The following ATAD3B variants were observed in gnomAD, a reference collection of about 807,000 sequenced individuals.
ATAD3B encodes the protein ATPase family AAA domain-containing protein 3B.
ATAD3B carries 59 observed loss-of-function variants against 70.2 expected under a neutral mutation model. The observed-to-expected ratio is 0.84, with a 90% CI of 0.68 to 1.04. ATAD3B has a LOEUF of 1.04. ATAD3B is among the 50% of genes least tolerant of loss of function. The pLI is 0.00. For missense variants in ATAD3B, 961 were observed against 913.4 expected (o/e 1.05, Z -0.67); for synonymous variants, 423 against 388.6 (o/e 1.09, Z -1.04).
At chr1:1,499,175 G>C (rs183892674), downstream of ATAD3B, among the ~76,000 whole-genome samples, 663 of 150,964 alleles carry the variant, frequency 4.4e-3, 11 homozygotes, top group African/African-American at 0.015. Flanking sequence ...GTTTCACCGT[G>C]TTAGCCAGGA....
chr1:1,489,528 G>A, intron 13 of ATAD3B: 1 of 982,118 alleles, frequency 1.0e-6, no homozygotes, highest in South Asian at 1.7e-5. Context: ...CAGCTTGCAG[G>A]TCCCTCTGCC....
intron 1 of ATAD3B, among the ~76,000 whole-genome samples, chr1:1,473,116 C>T (rs1342033564): frequency 6.8e-6 from 1 of 146,948 alleles, no homozygotes; most frequent in Admixed American, 6.9e-5. Flanking sequence ...AGCCACAGCG[C>T]CCAGACAGAA....
At chr1:1,499,295 T>C (rs1640890426), downstream of ATAD3B, among the ~76,000 whole-genome samples, 1 of 148,896 alleles carries the variant, frequency 6.7e-6, no homozygotes, top group Admixed American at 6.7e-5. Flanking sequence ...TTTTTTTTTT[T>C]TTTTGGTCTC....
chr1:1,485,623 C>T (rs1164973662), intron 8 of ATAD3B, among the ~76,000 whole-genome samples, 159 bp from the exon 9 acceptor site: 2 of 152,042 alleles, frequency 1.3e-5, no homozygotes, highest in Non-Finnish European at 2.9e-5. Flanking sequence ...GCAATAGCCT[C>T]CTGGTCTCCC....
chr1:1,505,162 A>G, the ATAD3B span, among the ~76,000 whole-genome samples: 1 of 152,114 alleles, frequency 6.6e-6, no homozygotes, highest in Non-Finnish European at 1.5e-5. Flanking sequence ...AAGGGGCAGG[A>G]TAAGGAGTGT....
At chr1:1,482,835 C>G in intron 7 of ATAD3B, 1 of 666,034 alleles carries the variant, frequency 1.5e-6, no homozygotes, top group Non-Finnish European at 2.6e-6. Flanking sequence ...GAGACCCCAT[C>G]TCTACGAAGA....
intron 7 of ATAD3B, chr1:1,482,975 TTGGCGAGAGAATAAGACCTTGTCTCAA>T: frequency 4.2e-6 from 2 of 474,042 alleles, no homozygotes; most frequent in South Asian, 3.1e-5. Flanking sequence ...CACTCCATTC[TTGGCGAGAGAATAAGACCTTGTCTCAA>T]GAAAAAAATG....
intron 13 of ATAD3B, 32 bp downstream of exon 13, chr1:1,489,306 GGCAGGGCTGTGCAGCCGTC>G: frequency 6.2e-7 from 1 of 1,612,896 alleles, no homozygotes; most frequent in South Asian, 1.1e-5. Context: ...TGAGCCCCCG[GGCAGGGCTGTGCAGCCGTC>G]GCCCTTGGTT....
At chr1:1,482,417 G>C (rs1220758075) in intron 6 of ATAD3B, 114 bp downstream of exon 6, 4 of 1,585,148 alleles carry the variant, frequency 2.5e-6, no homozygotes, top group Non-Finnish European at 3.4e-6. Flanking sequence ...CTGACTCCTT[G>C]GTGGGGGCAC....
chr1:1,484,184 AT>A (rs924162482), intron 7 of ATAD3B: 75 of 145,826 alleles, frequency 5.1e-4, no homozygotes, highest in Middle Eastern at 3.5e-3. Context: ...TGGGTCTTTG[AT>A]TTTTTTTTTT....
chr1:1,473,227 C>T (rs1639423340), intron 1 of ATAD3B, among the ~76,000 whole-genome samples: 1 of 147,438 alleles, frequency 6.8e-6, no homozygotes, highest in Admixed American at 6.8e-5. Context: ...GCAAGCTCCG[C>T]CTCCCGTGTT....
Position 1,488,330 on chromosome 1 carries a change from GTCC to G in ATAD3B, c.1266+421_1266+423del, listed in dbSNP as rs376177007. The stretch of plus-strand genomic sequence containing the variant: ...AGGGGCGACATCTCCAGCTCAAGCA[GTCC>G]TCCTGCCTCAGCCTCCCGAGAAGCT... On this transcript the variant is annotated intron_variant, in intron 12 of 15. Coordinates refer to ENST00000673477, the MANE Select transcript of ATAD3B (RefSeq NM_031921.6). Among the ~76,000 whole-genome samples, 562 of 152,124 alleles carry G rather than the reference GTCC, an allele frequency of 3.7e-3. 4 individuals carry two copies. Among genetic ancestry groups the G allele is most frequent in the African/African-American group, 0.013 (539 of 41,536 alleles).
intron 15 of ATAD3B, among the ~76,000 whole-genome samples, chr1:1,492,401 G>A (rs1046055172): frequency 2.0e-5 from 3 of 151,816 alleles, no homozygotes; most frequent in East Asian, 3.9e-4. Flanking sequence ...CAGGAGAATT[G>A]CTTGAACCCA....
rs181531156 is a variant in ATAD3B at position 1,484,783 on chromosome 1, G to T, written c.751-233G>T. ...ACCGAGGCTTTCTAGGATTTATGCT[G>T]CCAGTTGCAGAGAAAATGGCCCTGA... On this transcript the variant is annotated intron_variant, in intron 7 of 15. Transcript: ENST00000673477. 1.1e-4 allele frequency: 136 copies of T among 1,208,602 alleles called. 1 individual carries two copies. In the African/African-American group the frequency reaches 1.8e-3, roughly 16 times the overall value. The allele number at this position is 1,208,602 out of a possible 1,614,324, so 74.9% of individuals were successfully genotyped here.
intron 2 of ATAD3B, 136 bp from the exon 3 acceptor site, chr1:1,478,508 G>C: frequency 1.9e-6 from 3 of 1,549,688 alleles, no homozygotes; most frequent in Non-Finnish European, 2.6e-6. Context: ...AGATGCAGCT[G>C]GAAGCCCTGA....
At chr1:1,489,385 G>A (rs879136130) in intron 13 of ATAD3B, 111 bp downstream of exon 13, 1 of 1,557,406 alleles carries the variant, frequency 6.4e-7, no homozygotes, top group South Asian at 1.1e-5. Flanking sequence ...TGTGGCCTCA[G>A]TGTGCCCACC....
At chr1:1,504,498 A>C in the ATAD3B span, among the ~76,000 whole-genome samples, 2 of 151,934 alleles carry the variant, frequency 1.3e-5, no homozygotes, top group South Asian at 2.1e-4. Flanking sequence ...TAAAAATACA[A>C]AATTAGCCGG....
Position 1,490,405 on chromosome 1 carries a change from C to G in ATAD3B, c.1486C>G (p.Pro496Ala), listed in dbSNP as rs781356065. ...RLHFDNCVLK[P>A]ATEGKRRLKL... ...GCATTTTGACAACTGTGTTCTTAAG[C>G]CGGCCACAGAAGGAAAACGGTGAGT... Residue 496 changes from proline (P) to alanine (A), a missense_variant, in exon 14 of 16, where the codon CCG (proline) becomes GCG (alanine). Pro to Ala is a conservative substitution (Grantham distance 27, BLOSUM62 -1). Around this residue, in one of 4 missense-constraint regions of ATAD3B, gnomAD observed 417 missense variants for 335.0 expected, o/e 1.24. Coordinates refer to ENST00000673477, the MANE Select transcript of ATAD3B (RefSeq NM_031921.6). The G allele has an allele frequency of 2.5e-6, 4 of 1,613,440 alleles. No individual in the cohort carries two copies. The Admixed American group carries it at 6.7e-5, about 27-fold the overall frequency.
Position 1,486,562 on chromosome 1 carries a change from G to A in ATAD3B, c.1108G>A (p.Gly370Ser), listed in dbSNP as rs1385202438. Residue 370 changes from glycine to serine, a missense_variant, in exon 11 of 16, where the codon GGC (glycine) becomes AGC (serine). Around this residue, in one of 4 missense-constraint regions of ATAD3B, gnomAD observed 349 missense variants for 307.5 expected, o/e 1.14. Coordinates refer to ENST00000673477, the MANE Select transcript of ATAD3B (RefSeq NM_031921.6). ...TGTCCAGAAACTCGCCCTGCACTCAGGCATGGACTACGCCATCATGACAGG... is the reference window on the plus strand; with the variant it reads ...TGTCCAGAAACTCGCCCTGCACTCAAGCATGGACTACGCCATCATGACAGG... Reference protein sequence around the residue: ...LFAKKLALHSGMDYAIMTGGD... With the variant: ...LFAKKLALHSSMDYAIMTGGD... 1.4e-5 allele frequency: 23 copies of A among 1,612,026 alleles called. 1 individual carries two copies. The highest frequency in any genetic ancestry group is 2.0e-5 in the Non-Finnish European group (23 of 1,179,484).
Sources: allele counts gnomAD v4.1 joint callset (sites outside exome capture counted in the v4.1 genomes callset), GRCh38; gene constraint gnomAD v4.1.1; regional missense constraint gnomAD v4.1.1; transcripts MANE v1.5; gene names NCBI Gene and HGNC (gene_info 2026-07-23, HGNC 2026-07-21).